Variants in ANO5 observed in about 807,000 individuals in gnomAD.
ANO5 encodes the protein anoctamin 5.
A neutral mutation model predicts 121.0 loss-of-function variants in ANO5; 109 were observed. The observed-to-expected ratio is 0.90, with a 90% CI of 0.77 to 1.06. The LOEUF is 1.06. Among genes scored for constraint, ANO5 ranks in the 50% least tolerant of loss-of-function variants. The pLI, the probability that ANO5 is intolerant of heterozygous loss-of-function variation, is 0.00. For synonymous variants in ANO5, 406 were observed against 359.9 expected (o/e 1.13, Z -1.45); for missense variants, 1,064 against 1,078.5 (o/e 0.99, Z 0.19).
chr11:22,212,052 A>T lies in ANO5; in HGVS notation c.138+738A>T, dbSNP rs372675796. On this transcript the variant is annotated intron_variant, in intron 3 of 21. Transcript: ENST00000324559. Reference sequence around the variant, plus strand: ...ATGATTCCAAAGTTGAAATCCACAGATCAAATAACATTTAGATGAGCCTAA... The same window carrying T: ...ATGATTCCAAAGTTGAAATCCACAGTTCAAATAACATTTAGATGAGCCTAA... 4.6e-5 allele frequency among the ~76,000 whole-genome samples: 7 copies of T among 151,666 alleles called. No individual in the cohort carries two copies. In the East Asian group the frequency reaches 1.2e-3, roughly 25 times the overall value.
intron 1 of ANO5, among the ~76,000 whole-genome samples, chr11:22,201,279 A>G (rs777482029): frequency 1.1e-4 from 17 of 152,216 alleles, no homozygotes; most frequent in Non-Finnish European, 2.4e-4. Flanking sequence ...GTGTGCTAAA[A>G]GAACAAAATC....
intron 4 of ANO5, among the ~76,000 whole-genome samples, chr11:22,219,438 G>A (rs556643118): frequency 6.6e-6 from 1 of 152,034 alleles, no homozygotes; most frequent in South Asian, 2.1e-4. Context: ...TTTAGCTTAT[G>A]TAAACAATAC....
intron 16 of ANO5, 57 bp downstream of exon 16, chr11:22,262,355 T>G: frequency 6.4e-7 from 1 of 1,569,372 alleles, no homozygotes. Flanking sequence ...TATTAACAAC[T>G]TTCTGTGTGT....
At position 22,263,022 on chromosome 11, in the gene ANO5, A is replaced by G; in HGVS notation, c.1877A>G (p.Asn626Ser). The G allele has an allele frequency of 6.2e-7, 1 of 1,612,706 alleles. No individual in the cohort carries two copies. Among genetic ancestry groups the G allele is most frequent in the Non-Finnish European group, 8.5e-7 (1 of 1,178,904 alleles). ...IIMTGKQIFGNIKEAIYPLAL... is the reference protein window; with the variant it reads ...IIMTGKQIFGSIKEAIYPLAL... ...ATGACCGGGAAACAGATTTTTGGAAACATTAAAGAAGCCATTTATCCGTAT... is the reference window on the plus strand; with the variant it reads ...ATGACCGGGAAACAGATTTTTGGAAGCATTAAAGAAGCCATTTATCCGTAT... Residue 626 changes from asparagine to serine, a missense_variant, in exon 17 of 22, where the codon AAC (asparagine) becomes AGC (serine). Transcript: ENST00000324559.
At chr11:22,236,314 T>A in intron 8 of ANO5, 38 bp downstream of exon 8, 1 of 1,497,380 alleles carries the variant, frequency 6.7e-7, no homozygotes. Flanking sequence ...TGAGCTTATT[T>A]TCCTCCTGCC....
intron 19 of ANO5, 21 bp from the exon 20 acceptor site, chr11:22,274,548 C>CTTTTTTTTTTTTTTTTT: frequency 3.2e-6 from 4 of 1,266,740 alleles, no homozygotes; most frequent in South Asian, 1.5e-5. Context: ...TGATCTTCCT[C>CTTTTTTTTTTTTTTTTT]TTTTTTTTTT....
At chr11:22,234,402 G>A (rs1853146892) in intron 7 of ANO5, among the ~76,000 whole-genome samples, 1 of 152,024 alleles carries the variant, frequency 6.6e-6, no homozygotes, top group Admixed American at 6.6e-5. Context: ...AAGCATCAGT[G>A]AGTTCACCAT....
At chr11:22,230,679 A>C (rs11026468) in intron 7 of ANO5, among the ~76,000 whole-genome samples, 8,331 of 151,992 alleles carry the variant, frequency 0.055, 783 homozygotes, top group African/African-American at 0.19. Flanking sequence ...CCTCCTGACT[A>C]TCAGTACCAA....
intron 7 of ANO5, 50 bp downstream of exon 7, chr11:22,227,636 C>A: frequency 6.3e-7 from 1 of 1,589,264 alleles, no homozygotes; most frequent in Non-Finnish European, 8.6e-7. Context: ...GAGATGTATG[C>A]TTGTGTGTGC....
Position 22,263,038 on chromosome 11 carries a change from T to G in ANO5, c.1893T>G (p.Ile631Met). 2 of 1,606,198 alleles carry G rather than the reference T, an allele frequency of 1.2e-6. No individual in the cohort carries two copies. The highest frequency in any genetic ancestry group is 1.7e-6 in the Non-Finnish European group (2 of 1,173,164). ...TTTTTGGAAACATTAAAGAAGCCAT[T>G]TATCCGTATGTATGACTTACAAGCT... ...KQIFGNIKEA[I>M]YPLALNWWRR... The change falls in exon 17 of 22, where the codon ATT becomes ATG. Residue 631 changes from isoleucine (I) to methionine (M), a missense_variant. By Grantham distance (10) the Ile-to-Met change is conservative (BLOSUM62 1). Coordinates refer to ENST00000324559, the MANE Select transcript of ANO5 (RefSeq NM_213599.3).
intron 7 of ANO5, among the ~76,000 whole-genome samples, chr11:22,229,109 A>G (rs948266166): frequency 2.0e-5 from 3 of 151,846 alleles, no homozygotes; most frequent in Admixed American, 6.6e-5. Flanking sequence ...AGTGTGTAAG[A>G]CTACACACTC....
intron 14 of ANO5, 98 bp from the exon 15 acceptor site, chr11:22,259,421 T>A: frequency 7.8e-7 from 1 of 1,286,712 alleles, no homozygotes; most frequent in Admixed American, 1.8e-5. Flanking sequence ...CTGCTAAACT[T>A]CATATAATGA....
chr11:22,231,108 G>A (rs1853025899), intron 7 of ANO5, among the ~76,000 whole-genome samples: 1 of 151,856 alleles, frequency 6.6e-6, no homozygotes, highest in Admixed American at 6.6e-5. Flanking sequence ...AGAACTGCAT[G>A]ATTCACTTCA....
Position 22,251,023 on chromosome 11 carries a change from G to C in ANO5, c.1180+12G>C. 1 of 1,603,508 alleles carries C rather than the reference G, an allele frequency of 6.2e-7. No homozygotes were observed. The highest frequency in any genetic ancestry group is 2.2e-5 in the East Asian group (1 of 44,700). On this transcript the variant is annotated intron_variant, in intron 12 of 21. Transcript: ENST00000324559. ...CATGGGAATTTGGGGTGAGTAAATA[G>C]TCCCATAAAGAAACAGCTTTCTTCC...
intron 7 of ANO5, among the ~76,000 whole-genome samples, chr11:22,229,184 CTTG>C (rs1173770161): frequency 1.3e-5 from 2 of 151,992 alleles, no homozygotes; most frequent in African/African-American, 2.4e-5. Flanking sequence ...CTCTCCAACA[CTTG>C]TTATCTTTTG....
chr11:22,255,770 ATCAC>A (rs1407304203), intron 13 of ANO5, among the ~76,000 whole-genome samples: 4 of 152,156 alleles, frequency 2.6e-5, no homozygotes, highest in Non-Finnish European at 5.9e-5. Flanking sequence ...GGATGAACCC[ATCAC>A]TCAGAATGAA....
At chr11:22,211,348 G>C (rs778600673) in intron 3 of ANO5, 34 bp downstream of exon 3, 1 of 1,597,276 alleles carries the variant, frequency 6.3e-7, no homozygotes, top group Admixed American at 1.7e-5. Context: ...TTTCTTGCAT[G>C]GACACAAATG....
At chr11:22,244,255 A>T (rs936783618) in intron 9 of ANO5, among the ~76,000 whole-genome samples, 2 of 152,000 alleles carry the variant, frequency 1.3e-5, no homozygotes, top group Non-Finnish European at 2.9e-5. Flanking sequence ...GGCTTGTAAG[A>T]TTTCTGCTGA....
Position 22,250,983 on chromosome 11 carries a change from G to A in ANO5, c.1152G>A (p.Val384=). 6.2e-7 allele frequency: 1 copy of A among 1,612,198 alleles called. No individual in the cohort carries two copies. Among genetic ancestry groups the A allele is most frequent in the South Asian group, 1.1e-5 (1 of 91,038 alleles). The part of the protein sequence containing the change: ...FSHLFDNEST[V]FFAIFMGIWV... ...ATTTGTTTGATAATGAGTCAACAGTGTTCTTTGCAATATTCATGGGAATTT... is the reference window on the plus strand; with the variant it reads ...ATTTGTTTGATAATGAGTCAACAGTATTCTTTGCAATATTCATGGGAATTT... The change falls in exon 12 of 22, where the codon GTG becomes GTA. Residue 384 remains valine (V), a synonymous_variant. Transcript: ENST00000324559.
Sources: allele counts gnomAD v4.1 joint callset (sites outside exome capture counted in the v4.1 genomes callset), GRCh38; gene constraint gnomAD v4.1.1; transcripts MANE v1.5; gene names NCBI Gene and HGNC (gene_info 2026-07-23, HGNC 2026-07-21).